Variants in COLEC11 observed in about 807,000 individuals in gnomAD.
The protein encoded by COLEC11 is collectin subfamily member 11.
Under a neutral mutation model 27.3 loss-of-function variants are expected in COLEC11, and 20 were observed. The observed-to-expected ratio is 0.73, with a 90% CI of 0.51 to 1.06. COLEC11 has a LOEUF of 1.06. Ranked by LOEUF, COLEC11 falls within the 50% of genes least tolerant of loss-of-function variation. The pLI is 0.00. For missense variants in COLEC11, 310 were observed against 383.0 expected, an observed-to-expected ratio of 0.81 and a Z score of 1.59; for synonymous variants, 163 against 154.7, an observed-to-expected ratio of 1.05 and a Z score of -0.40.
chr2:3,621,225 TG>T (rs1367176956), intron 3 of COLEC11, among the ~76,000 whole-genome samples: 1 of 152,242 alleles, frequency 6.6e-6, no homozygotes, highest in Admixed American at 6.5e-5. Flanking sequence ...TGTGTATATT[TG>T]TAATGATTAT....
chr2:3,638,613 C>A (rs968884995), intron 4 of COLEC11, among the ~76,000 whole-genome samples: 1 of 152,122 alleles, frequency 6.6e-6, no homozygotes, highest in Non-Finnish European at 1.5e-5. Flanking sequence ...CAGACCTCCC[C>A]CTAGCCCAGC....
chr2:3,635,942 A>G (rs917916947), intron 3 of COLEC11, among the ~76,000 whole-genome samples: 1 of 152,254 alleles, frequency 6.6e-6, no homozygotes, highest in Non-Finnish European at 1.5e-5. Context: ...ATTTTATTGC[A>G]ATGTAAACCA....
Position 3,603,805 on chromosome 2 carries a change from G to A in COLEC11, c.-26-510G>A, listed in dbSNP as rs141707412. ...TACTGATCTCACCGAGGAAGGCCAG[G>A]TGCCTGTCTCCTGCCACCTAAGGAG... On this transcript the variant is annotated intron_variant, in intron 1 of 6. Transcript: ENST00000349077. 2.3e-3 allele frequency: 1,770 copies of A among 774,016 alleles called. 27 individuals are homozygous for A. In the African/African-American group the frequency reaches 0.027, roughly 12 times the overall value. 47.9% of individuals were successfully genotyped at this position (774,016 alleles called of 1,614,324 possible).
intron 1 of COLEC11, chr2:3,603,547 C>A: frequency 8.9e-7 from 1 of 1,129,852 alleles, no homozygotes; most frequent in Non-Finnish European, 1.3e-6. Flanking sequence ...GAACTCCCGA[C>A]TTTAGGTGAT....
At chr2:3,626,169 T>C in intron 3 of COLEC11, 1 of 1,177,510 alleles carries the variant, frequency 8.5e-7, no homozygotes, top group Non-Finnish European at 1.3e-6. Context: ...ACTCTTCCCA[T>C]GGCCACATGG....
chr2:3,624,307 C>T (rs1323568880), intron 3 of COLEC11, among the ~76,000 whole-genome samples: 2 of 152,186 alleles, frequency 1.3e-5, no homozygotes, highest in East Asian at 1.9e-4. Flanking sequence ...TTTGGGTGCC[C>T]GTGGTCCAGT....
chr2:3,605,819 C>T (rs956805497), intron 2 of COLEC11: 1 of 368,116 alleles, frequency 2.7e-6, no homozygotes, highest in Admixed American at 4.0e-5. Context: ...GGTCAGCCCT[C>T]TCCCGGGGCA....
At chr2:3,605,884 G>C (rs897522587) in intron 2 of COLEC11, 11 of 541,682 alleles carry the variant, frequency 2.0e-5, no homozygotes, top group Non-Finnish European at 3.5e-5. Context: ...CTGGCTGGGG[G>C]CTTTTTTCCG....
intron 5 of COLEC11, among the ~76,000 whole-genome samples, chr2:3,642,592 C>T (rs1255430394): frequency 1.3e-5 from 2 of 152,208 alleles, no homozygotes; most frequent in Non-Finnish European, 2.9e-5. Context: ...ACTGCAAAGC[C>T]GCAGAGCTCC....
intron 1 of COLEC11, among the ~76,000 whole-genome samples, chr2:3,599,271 G>T (rs1662060562): frequency 6.6e-6 from 1 of 152,174 alleles, no homozygotes; most frequent in Admixed American, 6.5e-5. Flanking sequence ...AGTCATTTCT[G>T]TAAGGGGCTC....
chr2:3,600,585 T>C (rs1042365882), intron 1 of COLEC11, among the ~76,000 whole-genome samples: 2 of 152,076 alleles, frequency 1.3e-5, no homozygotes, highest in Admixed American at 6.5e-5. Flanking sequence ...GAACGCATAA[T>C]GTGTAGGAAT....
chr2:3,611,111 G>C (rs566783412), intron 2 of COLEC11, among the ~76,000 whole-genome samples: 5 of 152,206 alleles, frequency 3.3e-5, no homozygotes, highest in African/African-American at 7.2e-5. Flanking sequence ...AGCCACGAAG[G>C]CTTTGTTCCT....
At position 3,604,153 on chromosome 2, in the gene COLEC11, C is replaced by T. The variant is rs936328571; in HGVS notation, c.-26-162C>T. On this transcript the variant is annotated intron_variant, in intron 1 of 6. Transcript: ENST00000349077. ...CTGTGGAAGCTTCTCAGTGGAGGCT[C>T]ATGATTGGTGCTTGAGTGAGTGAGG... The T allele has an allele frequency of 2.2e-5, 16 of 730,308 alleles. No homozygotes were observed. The Admixed American group carries it at 2.6e-4, about 12-fold the overall frequency. 45.2% of individuals were successfully genotyped at this position (730,308 alleles called of 1,614,324 possible).
At position 3,637,571 on chromosome 2, in the gene COLEC11, C is replaced by T. The variant is rs771119219; in HGVS notation, c.241C>T (p.Arg81Cys). 3.7e-6 allele frequency: 6 copies of T among 1,613,978 alleles called. No homozygotes were observed. Among genetic ancestry groups the T allele is most frequent in the South Asian group, 1.1e-5 (1 of 91,078 alleles). The change falls in exon 4 of 7, where the codon CGT becomes TGT. Residue 81 changes from arginine (R) to cysteine (C), a missense_variant. Physicochemically the swap from Arg to Cys is radical, Grantham distance 180. Coordinates refer to ENST00000349077, the MANE Select transcript of COLEC11 (RefSeq NM_024027.5). ...CAAAGGACAGAAAGGCAGTGTGGGT[C>T]GTCATGGAAAAATTGGTCCCATTGG... ...GDKGQKGSVG[R>C]HGKIGPIGSK...
At chr2:3,615,626 A>G (rs1391315247) in intron 3 of COLEC11, among the ~76,000 whole-genome samples, 1 of 152,232 alleles carries the variant, frequency 6.6e-6, no homozygotes, top group Non-Finnish European at 1.5e-5. Context: ...CATCGTCATC[A>G]TGGCCCATTC....
intron 1 of COLEC11, among the ~76,000 whole-genome samples, chr2:3,598,416 T>G (rs978497929): frequency 1.3e-5 from 2 of 152,240 alleles, no homozygotes; most frequent in African/African-American, 4.8e-5. Flanking sequence ...ACTTTCGTTC[T>G]GTTGTTTGTT....
intron 2 of COLEC11, among the ~76,000 whole-genome samples, chr2:3,610,267 A>T (rs1391501084): frequency 6.6e-6 from 1 of 152,220 alleles, no homozygotes; most frequent in African/African-American, 2.4e-5. Flanking sequence ...TGAAATTATT[A>T]TGCAAATAAG....
chr2:3,606,027 A>C, intron 2 of COLEC11: 1 of 1,531,232 alleles, frequency 6.5e-7, no homozygotes, highest in African/African-American at 1.4e-5. Flanking sequence ...AAGCAACTTA[A>C]ACTGTTGGAT....
At chr2:3,607,410 GTTC>G (rs920456989) in intron 2 of COLEC11, among the ~76,000 whole-genome samples, 11 of 142,476 alleles carry the variant, frequency 7.7e-5, no homozygotes, top group Admixed American at 3.5e-4. Context: ...AAAGGTCATA[GTTC>G]TTCTTATAGG....
Sources: allele counts gnomAD v4.1 joint callset (sites outside exome capture counted in the v4.1 genomes callset), GRCh38; gene constraint gnomAD v4.1.1; transcripts MANE v1.5; gene names NCBI Gene and HGNC (gene_info 2026-07-23, HGNC 2026-07-21).